Variants in ATP8A2 observed in about 807,000 individuals in gnomAD.
ATP8A2 encodes ATPase phospholipid transporting 8A2.
A neutral mutation model predicts 165.6 loss-of-function variants in ATP8A2; 100 were observed. That is an observed-to-expected ratio of 0.60 (90% CI 0.51 to 0.71). The LOEUF (loss-of-function observed/expected upper bound fraction) is 0.71. Ranked by LOEUF, ATP8A2 falls within the 30% of genes least tolerant of loss-of-function variation. The pLI is 0.00. For synonymous variants in ATP8A2, 543 were observed against 548.8 expected (o/e 0.99, Z 0.15); for missense variants, 1,227 against 1,479.5 (o/e 0.83, Z 2.80).
chr13:25,777,190 C>T (rs536411098), intron 27 of ATP8A2, among the ~76,000 whole-genome samples: 3 of 152,144 alleles, frequency 2.0e-5, no homozygotes, highest in South Asian at 4.2e-4. Flanking sequence ...TGCACCACTC[C>T]ATGCCCAATT....
At chr13:25,978,585 T>A (rs568792954) in intron 35 of ATP8A2, among the ~76,000 whole-genome samples, 1 of 151,742 alleles carries the variant, frequency 6.6e-6, no homozygotes, top group Admixed American at 6.6e-5. Flanking sequence ...AAAGTGACTT[T>A]GTAGTGCATC....
At chr13:25,719,957 G>A (rs1352578325) in intron 25 of ATP8A2, among the ~76,000 whole-genome samples, 1 of 152,010 alleles carries the variant, frequency 6.6e-6, no homozygotes, top group Non-Finnish European at 1.5e-5. Flanking sequence ...GGAGACAGTG[G>A]TATGAGGACA....
intron 1 of ATP8A2, among the ~76,000 whole-genome samples, chr13:25,423,036 C>T (rs2034344747): frequency 6.6e-6 from 1 of 152,096 alleles, no homozygotes. Flanking sequence ...TTAGTGACTC[C>T]ATTTTGGTTC....
chr13:25,842,861 T>G (rs1951777764), intron 30 of ATP8A2, among the ~76,000 whole-genome samples: 1 of 152,158 alleles, frequency 6.6e-6, no homozygotes, highest in African/African-American at 2.4e-5. Context: ...TCTAGAATTT[T>G]ATGATCAGGG....
At chr13:25,742,005 T>C (rs2043923678) in intron 25 of ATP8A2, among the ~76,000 whole-genome samples, 1 of 152,344 alleles carries the variant, frequency 6.6e-6, no homozygotes, top group Non-Finnish European at 1.5e-5. Flanking sequence ...CATTACTTAA[T>C]GATGGGGATA....
chr13:25,514,546 G>A (rs942998171), intron 2 of ATP8A2, among the ~76,000 whole-genome samples: 1 of 152,148 alleles, frequency 6.6e-6, no homozygotes, highest in Non-Finnish European at 1.5e-5. Flanking sequence ...GAATACTCCT[G>A]GCTGTGGGTG....
chr13:25,862,424 T>C lies in ATP8A2; in HGVS notation c.3183+16T>C, dbSNP rs376038040. On this transcript the variant is annotated intron_variant, in intron 33 of 36. Transcript: ENST00000381655. ...GAGAGGACAGGTAAGTACTCCTGATTGGGAGTGTGTCTTCTGTGTCTTGTG... is the reference window on the plus strand; with the variant it reads ...GAGAGGACAGGTAAGTACTCCTGATCGGGAGTGTGTCTTCTGTGTCTTGTG... 2.6e-6 allele frequency: 4 copies of C among 1,562,380 alleles called. No homozygotes were observed. The highest frequency in any genetic ancestry group is 3.5e-6 in the Non-Finnish European group (4 of 1,132,838).
chr13:25,379,963 A>C (rs2032779428), intron 1 of ATP8A2, among the ~76,000 whole-genome samples: 1 of 151,998 alleles, frequency 6.6e-6, no homozygotes, highest in East Asian at 1.9e-4. Context: ...GTTTGGGCAA[A>C]TTTTCTGGAA....
intron 30 of ATP8A2, among the ~76,000 whole-genome samples, chr13:25,842,107 T>C (rs1951758056): frequency 6.6e-6 from 1 of 152,178 alleles, no homozygotes; most frequent in Non-Finnish European, 1.5e-5. Flanking sequence ...ATAACTCCAG[T>C]ACAAGGTAAA....
At chr13:25,881,959 A>G (rs1952990979) in intron 33 of ATP8A2, among the ~76,000 whole-genome samples, 1 of 152,328 alleles carries the variant, frequency 6.6e-6, no homozygotes, top group South Asian at 2.1e-4. Context: ...TAAGGACGCC[A>G]TGGGAGGGTG....
chr13:25,451,744 C>T (rs908670056), intron 1 of ATP8A2, among the ~76,000 whole-genome samples: 8 of 151,990 alleles, frequency 5.3e-5, no homozygotes, highest in African/African-American at 1.9e-4. Context: ...TGAAAAGTCA[C>T]CCCAGACCAA....
At chr13:25,689,655 C>T (rs915134538) in intron 24 of ATP8A2, among the ~76,000 whole-genome samples, 1 of 152,042 alleles carries the variant, frequency 6.6e-6, no homozygotes, top group African/African-American at 2.4e-5. Context: ...AAAACTATTC[C>T]TAGTTGGAGT....
At chr13:25,799,182 C>CTAGA (rs1950563952) in intron 27 of ATP8A2, among the ~76,000 whole-genome samples, 1 of 152,012 alleles carries the variant, frequency 6.6e-6, no homozygotes, top group African/African-American at 2.4e-5. Flanking sequence ...CAGGCTTGGC[C>CTAGA]TAGGGTAGGT....
chr13:25,492,970 TGGAA>T (rs2137652579), intron 2 of ATP8A2, among the ~76,000 whole-genome samples: 1 of 152,340 alleles, frequency 6.6e-6, no homozygotes, highest in East Asian at 1.9e-4. Context: ...CCTTTGTGCT[TGGAA>T]GGAAGATGTA....
intron 30 of ATP8A2, among the ~76,000 whole-genome samples, chr13:25,857,779 C>T (rs947406609): frequency 1.3e-5 from 2 of 151,958 alleles, no homozygotes; most frequent in African/African-American, 2.4e-5. Flanking sequence ...CCATGTTGGC[C>T]AGGCTGGTCT....
intron 1 of ATP8A2, among the ~76,000 whole-genome samples, chr13:25,374,903 A>G (rs1287380708): frequency 6.6e-6 from 1 of 152,204 alleles, no homozygotes; most frequent in African/African-American, 2.4e-5. Flanking sequence ...TAAACTAATG[A>G]TGAAAGGATT....
chr13:25,400,703 C>T (rs1225723662), intron 1 of ATP8A2, among the ~76,000 whole-genome samples: 1 of 152,126 alleles, frequency 6.6e-6, no homozygotes, highest in Non-Finnish European at 1.5e-5. Flanking sequence ...CATTTAACAC[C>T]AGACAGCATG....
chr13:25,755,409 C>G (rs116007948), intron 25 of ATP8A2, among the ~76,000 whole-genome samples: 1 of 152,138 alleles, frequency 6.6e-6, no homozygotes, highest in Admixed American at 6.6e-5. Flanking sequence ...CAAAACTGTT[C>G]CCATTATTGC....
chr13:25,769,082 G>A lies in ATP8A2; in HGVS notation c.2421G>A (p.Val807=), dbSNP rs772610176. 1.2e-6 allele frequency: 2 copies of A among 1,614,194 alleles called. No individual in the cohort carries two copies. The highest frequency in any genetic ancestry group is 1.7e-5 in the Admixed American group (1 of 60,032). The change falls in exon 26 of 37, where the codon GTG becomes GTA. Residue 807 remains valine, a synonymous_variant. Transcript: ENST00000381655. ...SPLQKSEIVD[V]VKKRVKAITL... is the part of the protein sequence containing the mutation. ...TGCAGAAGTCTGAGATAGTGGATGT[G>A]GTGAAGAAGCGGGTGAAGGCCATCA...
Sources: allele counts gnomAD v4.1 joint callset (sites outside exome capture counted in the v4.1 genomes callset), GRCh38; gene constraint gnomAD v4.1.1; transcripts MANE v1.5; gene names NCBI Gene and HGNC (gene_info 2026-07-23, HGNC 2026-07-21).